Variants in OTOP1 observed in about 807,000 individuals in gnomAD.
The protein encoded by OTOP1 is proton channel OTOP1.
A neutral mutation model predicts 52.9 loss-of-function variants in OTOP1; 59 were observed. The observed-to-expected ratio is 1.12, with a 90% CI of 0.91 to 1.39. The LOEUF is 1.39. Ranked by LOEUF, OTOP1 falls within the 40% of genes most tolerant of loss-of-function variation. The probability of loss-of-function intolerance (pLI) is 0.00; values close to 1 mark genes in which losing one functional copy is unlikely to be tolerated. For missense variants in OTOP1, 761 were observed against 800.9 expected, an observed-to-expected ratio of 0.95 and a Z score of 0.60; for synonymous variants, 317 against 337.7, an observed-to-expected ratio of 0.94 and a Z score of 0.67.
intron 1 of OTOP1, among the ~76,000 whole-genome samples, chr4:4,214,240 A>T (rs1254410538): frequency 6.6e-6 from 1 of 152,236 alleles, no homozygotes; most frequent in African/African-American, 2.4e-5. Context: ...TGCAAATCAA[A>T]ACTACAAAAT....
Position 4,219,476 on chromosome 4 carries a change from C to T in OTOP1, c.404-6472G>A, listed in dbSNP as rs189350552. On this transcript the variant is annotated intron_variant, in intron 1 of 5. Transcript: ENST00000296358. ...CAGCACTTTGGGAGGCCGAGGCGGG[C>T]GGATCAGGATGTCGGGAGATCGAGA... 1.1e-4 allele frequency among the ~76,000 whole-genome samples: 17 copies of T among 151,802 alleles called. No individual in the cohort carries two copies. In the East Asian group the frequency reaches 1.4e-3, roughly 12 times the overall value.
rs187777177 is a variant in OTOP1 at position 4,197,576 on chromosome 4, G to T, written c.1258C>A (p.Arg420Ser). 6.2e-7 allele frequency: 1 copy of T among 1,613,956 alleles called. No homozygotes were observed. Among genetic ancestry groups the T allele is most frequent in the South Asian group, 1.1e-5 (1 of 91,042 alleles). ...LAILCAEGHP[R>S]YTWYNLPYSI... ...TAGGGCAGGTTGTACCAGGTGTAGC[G>T]GGGGTGGCCCTCAGCACAGAGGATG... is the stretch of plus-strand genomic sequence containing the variant. Residue 420 changes from arginine to serine, a missense_variant, in exon 5 of 6, where the codon CGC becomes AGC. Coordinates refer to ENST00000296358, the MANE Select transcript of OTOP1 (RefSeq NM_177998.3).
intron 2 of OTOP1, among the ~76,000 whole-genome samples, chr4:4,211,201 G>T (rs1344471871): frequency 6.6e-6 from 1 of 152,172 alleles, no homozygotes; most frequent in Admixed American, 6.6e-5. Context: ...TCAGCTGGGG[G>T]TACAAGCTGA....
At chr4:4,197,140 A>C (rs1716653398) in intron 5 of OTOP1, 26 bp downstream of exon 5, 1 of 1,558,736 alleles carries the variant, frequency 6.4e-7, no homozygotes, top group Non-Finnish European at 8.7e-7. Context: ...AAATTAAAAG[A>C]ATAAGAATAA....
At chr4:4,192,111 G>T (rs1025997149) in intron 5 of OTOP1, among the ~76,000 whole-genome samples, 1 of 152,200 alleles carries the variant, frequency 6.6e-6, no homozygotes, top group African/African-American at 2.4e-5. Flanking sequence ...AAATATGGCA[G>T]AAATGACACC....
chr4:4,197,325 C>T lies in OTOP1; in HGVS notation c.1509G>A (p.Val503=), dbSNP rs747867035. The T allele has an allele frequency of 6.2e-7, 1 of 1,614,116 alleles. No homozygotes were observed. The highest frequency in any genetic ancestry group is 1.3e-5 in the African/African-American group (1 of 75,018). Residue 503 remains valine (V), a synonymous_variant, in exon 5 of 6, where the codon GTG becomes GTA. Coordinates refer to ENST00000296358, the MANE Select transcript of OTOP1 (RefSeq NM_177998.3). The part of the protein sequence containing the change: ...KDMPPAANGN[V]CMRESHDKEE... The stretch of plus-strand genomic sequence containing the variant: ...CCTTGTCATGGCTTTCTCTCATGCA[C>T]ACATTTCCATTGGCTGCTGGTGGCA...
intron 4 of OTOP1, among the ~76,000 whole-genome samples, chr4:4,201,845 C>A (rs1273703585): frequency 6.6e-6 from 1 of 152,254 alleles, no homozygotes; most frequent in African/African-American, 2.4e-5. Context: ...GCCCCACATT[C>A]CCCTCAGCCT....
At chr4:4,210,787 C>G (rs149008835) in intron 2 of OTOP1, among the ~76,000 whole-genome samples, 1 of 152,050 alleles carries the variant, frequency 6.6e-6, no homozygotes, top group African/African-American at 2.4e-5. Flanking sequence ...GCCAAGATTA[C>G]GCCATTGCAC....
At chr4:4,191,880 C>A (rs544616695) in intron 5 of OTOP1, among the ~76,000 whole-genome samples, 2 of 152,186 alleles carry the variant, frequency 1.3e-5, no homozygotes, top group East Asian at 3.9e-4. Flanking sequence ...TGTAGGTACT[C>A]AAGGAACACC....
chr4:4,210,597 G>A (rs375281467), intron 2 of OTOP1, among the ~76,000 whole-genome samples: 12 of 152,168 alleles, frequency 7.9e-5, no homozygotes, highest in South Asian at 2.1e-4. Context: ...TTGGGAGGCC[G>A]AGGCAGGTGG....
At chr4:4,209,537 C>T (rs1716979509) in intron 2 of OTOP1, among the ~76,000 whole-genome samples, 1 of 152,200 alleles carries the variant, frequency 6.6e-6, no homozygotes, top group Admixed American at 6.5e-5. Flanking sequence ...CTAAAGCCTT[C>T]AGTGGCTCCC....
At chr4:4,226,084 G>T (rs1289903886) in intron 1 of OTOP1, among the ~76,000 whole-genome samples, 1 of 152,224 alleles carries the variant, frequency 6.6e-6, no homozygotes, top group Non-Finnish European at 1.5e-5. Context: ...ACAAAGGAGG[G>T]GATCAAAGGA....
chr4:4,195,862 G>C (rs1211575463), intron 5 of OTOP1, among the ~76,000 whole-genome samples: 3 of 152,116 alleles, frequency 2.0e-5, no homozygotes, highest in Non-Finnish European at 4.4e-5. Context: ...CACTGTATTA[G>C]ATTTTCTCAT....
chr4:4,211,382 A>G (rs1227958165), intron 2 of OTOP1, among the ~76,000 whole-genome samples: 1 of 152,178 alleles, frequency 6.6e-6, no homozygotes, highest in Non-Finnish European at 1.5e-5. Flanking sequence ...GGAAGAAAAT[A>G]ATCATTGTGT....
At chr4:4,213,095 A>G in intron 1 of OTOP1, 91 bp from the exon 2 acceptor site, 1 of 1,457,404 alleles carries the variant, frequency 6.9e-7, no homozygotes, top group Non-Finnish European at 9.4e-7. Flanking sequence ...TGTGTATTAA[A>G]CCCTTATGTA....
At chr4:4,220,327 T>C (rs73793127) in intron 1 of OTOP1, among the ~76,000 whole-genome samples, 6,899 of 151,920 alleles carry the variant, frequency 0.045, 406 homozygotes, top group East Asian at 0.16. Context: ...AAGAATTGAA[T>C]CATACAATCA....
At chr4:4,205,449 A>G (rs974104945) in intron 3 of OTOP1, among the ~76,000 whole-genome samples, 3 of 152,176 alleles carry the variant, frequency 2.0e-5, no homozygotes, top group African/African-American at 4.8e-5. Flanking sequence ...ATACAGAAAG[A>G]GATGTGAGTT....
At position 4,200,723 on chromosome 4, in the gene OTOP1, C is replaced by CTTTTTTTT. The variant is rs55863617; in HGVS notation, c.730+1717_730+1724dup. 1.9e-5 allele frequency among the ~76,000 whole-genome samples: 2 copies of CTTTTTTTT among 106,518 alleles called. 1 individual carries two copies. The highest frequency in any genetic ancestry group is 3.6e-5 in the Non-Finnish European group (2 of 54,816). The allele number at this position is 106,518 out of a possible 152,430, so 69.9% of individuals were successfully genotyped here. A position where few individuals can be genotyped will look rare whatever the true frequency, so the allele number is the denominator to read the frequency against. ...CACAAGCCCATGCCAGCATGCCTGC[C>CTTTTTTTT]TTTTTTTTTTTTTTTTCAGAGCTGG... On this transcript the variant is annotated intron_variant, in intron 4 of 5. Coordinates refer to ENST00000296358, the MANE Select transcript of OTOP1 (RefSeq NM_177998.3).
In OTOP1 at chr4:4,206,130, C is replaced by T. The variant is rs759513808; in HGVS notation, c.541G>A (p.Val181Ile). Reference sequence around the variant, plus strand: ...TTTGCATGCCCCCAAAGAAAATATACCTAGATGGAAATAAAGAAAGAAAAG... The same window carrying T: ...TTTGCATGCCCCCAAAGAAAATATATCTAGATGGAAATAAAGAAAGAAAAG... ...VTHSVHTLLQVYFLWGHAKDI... is the reference protein window; with the variant it reads ...VTHSVHTLLQIYFLWGHAKDI... Residue 181 changes from valine (V) to isoleucine (I), a missense_variant and splice_region_variant, in exon 3 of 6, where the codon GTA (valine) becomes ATA (isoleucine). Transcript: ENST00000296358. 2.5e-6 allele frequency: 4 copies of T among 1,599,568 alleles called. No homozygotes were observed. Among genetic ancestry groups the T allele is most frequent in the Admixed American group, 3.4e-5 (2 of 59,678 alleles).
Sources: allele counts gnomAD v4.1 joint callset (sites outside exome capture counted in the v4.1 genomes callset), GRCh38; gene constraint gnomAD v4.1.1; transcripts MANE v1.5; gene names NCBI Gene and HGNC (gene_info 2026-07-23, HGNC 2026-07-21).